PLA2G4F: variants seen among roughly 807,000 people sequenced by gnomAD.
The protein encoded by PLA2G4F is phospholipase A2 group IVF.
A neutral mutation model predicts 103.1 loss-of-function variants in PLA2G4F; 105 were observed. The ratio of observed to expected loss-of-function variants is 1.02; its 90% CI spans 0.87 to 1.20. The LOEUF (loss-of-function observed/expected upper bound fraction) is 1.20, where lower values mean the gene tolerates loss of function less well. Among genes scored for constraint, PLA2G4F ranks in the 50% most tolerant of loss-of-function variants. PLA2G4F has a pLI of 0.00. For synonymous variants in PLA2G4F, 468 were observed against 441.1 expected, an observed-to-expected ratio of 1.06 and a Z score of -0.76; for missense variants, 1,155 against 1,075.9, an observed-to-expected ratio of 1.07 and a Z score of -1.03.
rs201701552 is a variant in PLA2G4F at position 42,153,286 on chromosome 15, C to T, written c.534+14G>A. 1.7e-5 allele frequency: 27 copies of T among 1,613,736 alleles called. No homozygotes were observed. The highest frequency in any genetic ancestry group is 2.3e-5 in the Non-Finnish European group (27 of 1,179,798). On this transcript the variant is annotated intron_variant, in intron 6 of 19. Coordinates refer to ENST00000397272, the MANE Select transcript of PLA2G4F (RefSeq NM_213600.4). ...CCAGCCCAGAACAGCGCCAAGCTTG[C>T]CTTCCCCACTCACCACCAGAACCCC... is the stretch of plus-strand genomic sequence containing the variant.
rs1472745695 is a variant in PLA2G4F at position 42,145,690 on chromosome 15, G to C, written c.1673-8C>G. ...AGGCGCTGCCCCACATACCTAAGGA[G>C]ACAGGCAGGCCCCCACCCCACGTCA... On this transcript the variant is annotated splice_region_variant and splice_polypyrimidine_tract_variant and intron_variant, in intron 15 of 19. Transcript: ENST00000397272. The C allele has an allele frequency of 1.2e-6, 2 of 1,613,938 alleles. No individual in the cohort carries two copies. The highest frequency in any genetic ancestry group is 1.7e-6 in the Non-Finnish European group (2 of 1,179,982).
chr15:42,153,410 G>A (rs1230272954), intron 5 of PLA2G4F, 68 bp from the exon 6 acceptor site: 1 of 1,569,924 alleles, frequency 6.4e-7, no homozygotes, highest in Non-Finnish European at 8.8e-7. Context: ...CAATCATAAT[G>A]TGACTGAAGC....
chr15:42,153,443 C>G, intron 5 of PLA2G4F, 101 bp from the exon 6 acceptor site: 1 of 1,524,964 alleles, frequency 6.6e-7, no homozygotes, highest in East Asian at 2.3e-5. Context: ...ATGAGGAACA[C>G]AGCAGGGTTT....
chr15:42,146,993 G>A (rs2048894410), intron 13 of PLA2G4F, 131 bp downstream of exon 13: 1 of 895,810 alleles, frequency 1.1e-6, no homozygotes, highest in Non-Finnish European at 1.7e-6. Flanking sequence ...CACACTCCTG[G>A]CCCCAGGGGA....
chr15:42,149,598 T>C, intron 11 of PLA2G4F, 115 bp downstream of exon 11: 1 of 1,488,262 alleles, frequency 6.7e-7, no homozygotes, highest in Non-Finnish European at 8.9e-7. Context: ...TGCCCACAGC[T>C]CAGGTGAACA....
intron 7 of PLA2G4F, 45 bp from the exon 8 acceptor site, chr15:42,150,822 T>C (rs1238216895): frequency 6.3e-7 from 1 of 1,577,354 alleles, no homozygotes; most frequent in Admixed American, 1.9e-5. Context: ...AGGGGGTGGG[T>C]CTGTGTCTCT....
chr15:42,150,577 G>C (rs1004703525), intron 8 of PLA2G4F, 31 bp downstream of exon 8: 6 of 1,596,346 alleles, frequency 3.8e-6, no homozygotes, highest in African/African-American at 1.3e-5. Context: ...GGCTGAGTTG[G>C]ATCTACCGAC....
At chr15:42,153,252 C>T in intron 6 of PLA2G4F, 48 bp downstream of exon 6, 1 of 1,575,672 alleles carries the variant, frequency 6.3e-7, no homozygotes. Context: ...ACGGGTTCCT[C>T]ACTGCCCCCC....
At chr15:42,150,937 A>C (rs2140812038) in intron 7 of PLA2G4F, 160 bp from the exon 8 acceptor site, 2 of 985,378 alleles carry the variant, frequency 2.0e-6, no homozygotes, top group Non-Finnish European at 2.4e-6. Flanking sequence ...TCATAGAGAA[A>C]GCCTCTGGAA....
chr15:42,151,793 G>A (rs765618529), intron 7 of PLA2G4F: 2 of 452,586 alleles, frequency 4.4e-6, no homozygotes, highest in Non-Finnish European at 5.8e-6. Context: ...ACCGACCTGG[G>A]TTTGACCCTG....
chr15:42,148,672 C>G lies in PLA2G4F; in HGVS notation c.1060-910G>C, dbSNP rs1028610646. ...GCCAGCAAGCAGCCTAGACCTGCCC[C>G]CAGGCACCAAAGGTGCCCAGAGGTT... On this transcript the variant is annotated intron_variant, in intron 11 of 19. Coordinates refer to ENST00000397272, the MANE Select transcript of PLA2G4F (RefSeq NM_213600.4). 3.0e-6 allele frequency: 3 copies of G among 985,324 alleles called. No homozygotes were observed. In the African/African-American group the frequency reaches 5.2e-5, roughly 17 times the overall value. The allele number at this position is 985,324 out of a possible 1,614,324, so 61.0% of individuals were successfully genotyped here. A position where few individuals can be genotyped will look rare whatever the true frequency, so the allele number is the denominator to read the frequency against.
Position 42,144,549 on chromosome 15 carries a change from A to G in PLA2G4F, c.1876T>C (p.Phe626Leu), listed in dbSNP as rs1193068300. The part of the protein sequence containing the change: ...GPFSQAVLDI[F>L]TSRFTSAQSF... Reference sequence around the variant, plus strand: ...TGGGCGGAAGTGAAGCGGGAGGTGAATATGTCCAGCACAGCCTGGGAGAAG... The same window carrying G: ...TGGGCGGAAGTGAAGCGGGAGGTGAGTATGTCCAGCACAGCCTGGGAGAAG... The change falls in exon 17 of 20, where the codon TTC (phenylalanine) becomes CTC (leucine). Residue 626 changes from phenylalanine (F) to leucine (L), a missense_variant. By Grantham distance (22) the Phe-to-Leu change is conservative (BLOSUM62 0). Coordinates refer to ENST00000397272, the MANE Select transcript of PLA2G4F (RefSeq NM_213600.4). The G allele has an allele frequency of 3.7e-6, 6 of 1,612,972 alleles. No homozygotes were observed. In the African/African-American group the frequency reaches 5.3e-5, roughly 14 times the overall value.
intron 12 of PLA2G4F, 30 bp downstream of exon 12, chr15:42,147,596 T>A: frequency 6.2e-7 from 1 of 1,611,314 alleles, no homozygotes; most frequent in South Asian, 1.1e-5. Context: ...GGGTCTCCTT[T>A]ACCCTGTGCC....
rs147471768 is a variant in PLA2G4F, at chr15:42,152,932, C to T, written c.535-178G>A. 8.0e-3 allele frequency among the ~76,000 whole-genome samples: 1,223 copies of T among 152,250 alleles called. 12 individuals carry two copies. Among genetic ancestry groups the T allele is most frequent in the African/African-American group, 0.028 (1,160 of 41,540 alleles). Reference sequence around the variant, plus strand: ...CAGCCCTCCCAGGACCTGGGCCTCACGGGTAAGAATCTTTTACAGCAGCCC... The same window carrying T: ...CAGCCCTCCCAGGACCTGGGCCTCATGGGTAAGAATCTTTTACAGCAGCCC... On this transcript the variant is annotated intron_variant, in intron 6 of 19. Transcript: ENST00000397272.
At chr15:42,145,015 G>A (rs1278543730) in intron 16 of PLA2G4F, among the ~76,000 whole-genome samples, 2 of 152,212 alleles carry the variant, frequency 1.3e-5, no homozygotes, top group Admixed American at 1.3e-4. Flanking sequence ...AACGGGACCT[G>A]CCCTGGCCCT....
At position 42,150,654 on chromosome 15, in the gene PLA2G4F, C is replaced by G; in HGVS notation, c.725G>C (p.Ser242Thr). ...TFTFHVNPVL[S>T]SRLHVELMEL... ...CATCAGCTCCACGTGTAGCCTGGAG[C>G]TCAGCACTGGGTTCACGTGGAAGGT... The change falls in exon 8 of 20, where the codon AGC (serine) becomes ACC (threonine). Residue 242 changes from serine (S) to threonine (T), a missense_variant. This residue lies in a region of PLA2G4F where 370 missense variants were observed against 364.9 expected (regional missense o/e 1.01). Coordinates refer to ENST00000397272, the MANE Select transcript of PLA2G4F (RefSeq NM_213600.4). The G allele has an allele frequency of 6.2e-7, 1 of 1,613,622 alleles. No individual in the cohort carries two copies. Among genetic ancestry groups the G allele is most frequent in the Non-Finnish European group, 8.5e-7 (1 of 1,179,808 alleles).
intron 11 of PLA2G4F, chr15:42,148,883 G>A: frequency 2.0e-6 from 2 of 985,432 alleles, no homozygotes; most frequent in Non-Finnish European, 2.4e-6. Flanking sequence ...GCTTCAGAGT[G>A]CTGGATGAGA....
Position 42,150,760 on chromosome 15 carries a change from G to T in PLA2G4F, c.619C>A (p.Leu207Met), listed in dbSNP as rs775525894. The change falls in exon 8 of 20, where the codon CTG becomes ATG. Residue 207 changes from leucine to methionine, a missense_variant. Leu to Met is a conservative substitution (Grantham distance 15). Transcript: ENST00000397272. ...TTCTCGTAGGCTCCAGGCACTGCCA[G>T]CTGGAGCTGCCTAGAGCCTGAGAGC... ...REEYGSRQLQ[L>M]AVPGAYEKPQ... 2 of 1,608,400 alleles carry T rather than the reference G, an allele frequency of 1.2e-6. No homozygotes were observed. The highest frequency in any genetic ancestry group is 4.5e-5 in the East Asian group (2 of 44,774).
In PLA2G4F at chr15:42,147,292, G is replaced by A. The variant is rs762453833; in HGVS notation, c.1251C>T (p.Gly417=). The change falls in exon 13 of 20, where the codon GGC becomes GGT. Residue 417 remains glycine, a synonymous_variant. Coordinates refer to ENST00000397272, the MANE Select transcript of PLA2G4F (RefSeq NM_213600.4). ...CGTGAACCTGGGCACGCTCAATGGG[G>A]CCCTGCAAGGCCACCTGGGACCAGG... ...DPAWSQVALQ[G]PIERAQVHVC... 16 of 1,610,532 alleles carry A rather than the reference G, an allele frequency of 9.9e-6. No homozygotes were observed. Among genetic ancestry groups the A allele is most frequent in the Middle Eastern group, 2.1e-4 (1 of 4,660 alleles).
Sources: allele counts gnomAD v4.1 joint callset (sites outside exome capture counted in the v4.1 genomes callset), GRCh38; gene constraint gnomAD v4.1.1; regional missense constraint gnomAD v4.1.1; transcripts MANE v1.5; gene names NCBI Gene and HGNC (gene_info 2026-07-23, HGNC 2026-07-21).